The following GRIN2B variants were observed in gnomAD, a reference collection of about 807,000 sequenced individuals.
GRIN2B encodes glutamate ionotropic receptor NMDA type subunit 2B, also known as glutamate receptor ionotropic, NMDA 2B.
In GRIN2B, 5 loss-of-function variants were observed where a neutral mutation model predicts 114.5. The ratio of observed to expected loss-of-function variants is 0.04; its 90% CI spans 0.02 to 0.09. GRIN2B has a LOEUF of 0.09. GRIN2B is among the 10% of genes least tolerant of loss of function. The pLI, the probability that GRIN2B is intolerant of heterozygous loss-of-function variation, is 1.00. For missense variants in GRIN2B, 1,108 were observed against 1,943.5 expected (o/e 0.57, Z 8.08); for synonymous variants, 787 against 745.1 (o/e 1.06, Z -0.92).
intron 12 of GRIN2B, among the ~76,000 whole-genome samples, chr12:13,567,539 T>G (rs1948657286): frequency 6.6e-6 from 1 of 152,222 alleles, no homozygotes; most frequent in Non-Finnish European, 1.5e-5. Flanking sequence ...CGCTCTCCAT[T>G]ATCTAGCCTG....
intron 2 of GRIN2B, among the ~76,000 whole-genome samples, chr12:13,937,111 T>C (rs1247005153): frequency 2.3e-5 from 3 of 128,526 alleles, no homozygotes; most frequent in African/African-American, 8.6e-5. Context: ...GGGGGGAAGA[T>C]TGAAGAAAAA....
Position 13,965,821 on chromosome 12 carries a change from A to G in GRIN2B, c.-19+14107T>C, listed in dbSNP as rs34921743. ...AATGGTAATAATTGCATCGCTCCTA[A>G]AGTCTTAAATCTTTTGCATGATATG... On this transcript the variant is annotated intron_variant, in intron 2 of 13. Transcript: ENST00000609686. Among the ~76,000 whole-genome samples, 1,492 of 152,274 alleles carry G rather than the reference A, an allele frequency of 9.8e-3. 9 individuals are homozygous for G. Among genetic ancestry groups the G allele is most frequent in the African/African-American group, 0.014 (579 of 41,554 alleles).
intron 3 of GRIN2B, among the ~76,000 whole-genome samples, chr12:13,754,151 T>C (rs1451264095): frequency 6.6e-6 from 1 of 152,252 alleles, no homozygotes; most frequent in African/African-American, 2.4e-5. Flanking sequence ...CCTATGTCTA[T>C]ACTTGCCTTG....
intron 2 of GRIN2B, among the ~76,000 whole-genome samples, chr12:13,886,209 T>C (rs144894839): frequency 1.8e-4 from 27 of 152,332 alleles, no homozygotes; most frequent in African/African-American, 6.3e-4. Context: ...CAGTTTAATA[T>C]TTACCGGTGT....
chr12:13,685,744 G>A (rs1049345232), intron 4 of GRIN2B, among the ~76,000 whole-genome samples: 1 of 152,284 alleles, frequency 6.6e-6, no homozygotes, highest in South Asian at 2.1e-4. Context: ...CATAGGGAAC[G>A]AAATCATTTC....
intron 3 of GRIN2B, among the ~76,000 whole-genome samples, chr12:13,776,750 A>T (rs956272641): frequency 5.3e-5 from 8 of 152,196 alleles, no homozygotes; most frequent in Non-Finnish European, 1.2e-4. Flanking sequence ...AAAAAGATGA[A>T]TATAGGTAAC....
chr12:13,788,309 T>C (rs1008277516), intron 3 of GRIN2B, among the ~76,000 whole-genome samples: 6 of 152,214 alleles, frequency 3.9e-5, no homozygotes, highest in African/African-American at 1.4e-4. Context: ...ACACATATAG[T>C]ATTCAACAGA....
chr12:13,954,854 A>C (rs1242303377), intron 2 of GRIN2B, among the ~76,000 whole-genome samples: 1 of 140,940 alleles, frequency 7.1e-6, no homozygotes, highest in Non-Finnish European at 1.6e-5. Context: ...AAGGGACAAA[A>C]AAAATCTTAT....
chr12:13,886,710 T>C (rs1172908937), intron 2 of GRIN2B, among the ~76,000 whole-genome samples: 4 of 152,126 alleles, frequency 2.6e-5, no homozygotes, highest in Non-Finnish European at 5.9e-5. Flanking sequence ...CCAGTTCCTC[T>C]TGAGGGCCAT....
At chr12:13,770,971 C>A (rs1478162040) in intron 3 of GRIN2B, among the ~76,000 whole-genome samples, 2 of 152,190 alleles carry the variant, frequency 1.3e-5, no homozygotes, top group Non-Finnish European at 2.9e-5. Flanking sequence ...TCTGTAGCCA[C>A]CACTTCACAA....
chr12:13,828,869 T>C lies in GRIN2B; in HGVS notation c.411+36929A>G, dbSNP rs375315583. Among the ~76,000 whole-genome samples the C allele has an allele frequency of 3.3e-5, 5 of 152,342 alleles. No individual in the cohort carries two copies. The South Asian group carries it at 8.3e-4, about 25-fold the overall frequency. On this transcript the variant is annotated intron_variant, in intron 3 of 13. Transcript: ENST00000609686. The stretch of plus-strand genomic sequence containing the variant: ...TTATAAACCTTCAGTGGCTTCATAT[T>C]ACACATGAAATTAAATCCAGTCTTT...
At chr12:13,576,286 C>T (rs1233608769) in intron 10 of GRIN2B, among the ~76,000 whole-genome samples, 2 of 152,050 alleles carry the variant, frequency 1.3e-5, no homozygotes, top group Non-Finnish European at 2.9e-5. Context: ...CAGAAAATGC[C>T]CTTGTAATAA....
At position 13,548,278 on chromosome 12, in the gene GRIN2B, C is replaced by T. The variant is rs1948371162; in HGVS notation, c.*14505G>A. The stretch of plus-strand genomic sequence containing the variant: ...AAGATATCTTTATGTTGTGTATACT[C>T]GGTTTAGTGGCTTCAGTCTTGTGCA... On this transcript the variant is annotated 3_prime_UTR_variant, in exon 14 of 14. Transcript: ENST00000609686. 6.6e-6 allele frequency: 1 copy of T among 151,846 alleles called. No individual in the cohort carries two copies. Among genetic ancestry groups the T allele is most frequent in the African/African-American group, 2.4e-5 (1 of 41,322 alleles). The allele number at this position is 151,846 out of a possible 1,614,324, so 9.4% of individuals were successfully genotyped here. A position where few individuals can be genotyped will look rare whatever the true frequency, so the allele number is the denominator to read the frequency against.
chr12:13,857,930 C>T (rs892008446), intron 3 of GRIN2B, among the ~76,000 whole-genome samples: 1 of 152,174 alleles, frequency 6.6e-6, no homozygotes, highest in South Asian at 2.1e-4. Context: ...CACCTTCCAA[C>T]CATGACAAAA....
intron 3 of GRIN2B, among the ~76,000 whole-genome samples, chr12:13,826,504 G>T (rs1286333243): frequency 1.3e-5 from 2 of 152,078 alleles, no homozygotes; most frequent in Non-Finnish European, 2.9e-5. Flanking sequence ...CCACTAAATA[G>T]ATAGTATAGG....
chr12:13,855,699 T>G (rs530772004), intron 3 of GRIN2B, among the ~76,000 whole-genome samples: 6 of 152,320 alleles, frequency 3.9e-5, no homozygotes, highest in African/African-American at 1.4e-4. Flanking sequence ...TCATTGAATT[T>G]AGGGCCCACC....
intron 4 of GRIN2B, among the ~76,000 whole-genome samples, chr12:13,692,371 C>T (rs1350741537): frequency 2.0e-5 from 3 of 152,080 alleles, no homozygotes; most frequent in Non-Finnish European, 4.4e-5. Flanking sequence ...TATAGGTGCT[C>T]AGAATACATA....
At chr12:13,663,510 T>C (rs1253402909) in intron 5 of GRIN2B, among the ~76,000 whole-genome samples, 1 of 152,228 alleles carries the variant, frequency 6.6e-6, no homozygotes, top group African/African-American at 2.4e-5. Flanking sequence ...CACAATGTGC[T>C]ATATCAAAAC....
At chr12:13,694,160 A>C (rs1950238278) in intron 4 of GRIN2B, among the ~76,000 whole-genome samples, 1 of 152,182 alleles carries the variant, frequency 6.6e-6, no homozygotes, top group Non-Finnish European at 1.5e-5. Context: ...TAGCCTTGCC[A>C]GAAAAATTAA....
Sources: gnomAD v4.1 joint callset for allele counts (sites outside exome capture counted in the v4.1 genomes callset) on GRCh38, gnomAD v4.1.1 for gene constraint, MANE v1.5 for transcripts, NCBI Gene and HGNC (gene_info 2026-07-23, HGNC 2026-07-21) for gene names.